Variants in PHACTR1 observed in about 807,000 individuals in gnomAD.
PHACTR1 encodes RPEL repeat containing 1.
Under a neutral mutation model 69.2 loss-of-function variants are expected in PHACTR1, and 16 were observed. The observed-to-expected ratio is 0.23, with a 90% CI of 0.16 to 0.35. The LOEUF is 0.35. PHACTR1 is among the 10% of genes least tolerant of loss of function. The pLI, the probability that PHACTR1 is intolerant of heterozygous loss-of-function variation, is 1.00. For synonymous variants in PHACTR1, 312 were observed against 284.5 expected, an observed-to-expected ratio of 1.10 and a Z score of -0.97; for missense variants, 510 against 734.7, an observed-to-expected ratio of 0.69 and a Z score of 3.54.
chr6:12,750,684 T>TCTG (rs1766512550), intron 4 of PHACTR1, among the ~76,000 whole-genome samples: 1 of 152,104 alleles, frequency 6.6e-6, no homozygotes, highest in Admixed American at 6.5e-5. Context: ...TACTGTTCCC[T>TCTG]CTGCTGCTGC....
At chr6:12,827,201 A>G (rs1325590070) in intron 4 of PHACTR1, among the ~76,000 whole-genome samples, 1 of 152,238 alleles carries the variant, frequency 6.6e-6, no homozygotes, top group Non-Finnish European at 1.5e-5. Context: ...TTTAGAGATA[A>G]GAACTTCCCA....
intron 7 of PHACTR1, 118 bp from the exon 8 acceptor site, chr6:13,205,697 A>G (rs1284171168): frequency 1.0e-6 from 1 of 979,854 alleles, no homozygotes; most frequent in Non-Finnish European, 1.5e-6. Context: ...CAACTGACGC[A>G]TTTTACCTAA....
intron 4 of PHACTR1, among the ~76,000 whole-genome samples, chr6:12,927,971 C>T (rs183216546): frequency 6.6e-6 from 1 of 152,184 alleles, no homozygotes; most frequent in Non-Finnish European, 1.5e-5. Flanking sequence ...GCTCTGCCAC[C>T]AGCATTGTTT....
chr6:13,282,210 T>C (rs35511719), intron 12 of PHACTR1, among the ~76,000 whole-genome samples: 22,665 of 152,182 alleles, frequency 0.15, 2,010 homozygotes, highest in South Asian at 0.3. Flanking sequence ...AGTAATAGAA[T>C]TACACAGAGT....
At chr6:13,284,868 G>A (rs1001952612) in intron 13 of PHACTR1, among the ~76,000 whole-genome samples, 1 of 152,124 alleles carries the variant, frequency 6.6e-6, no homozygotes, top group Non-Finnish European at 1.5e-5. Context: ...AGACGACCTC[G>A]CCTGTGGCGG....
chr6:12,795,000 T>G (rs1161073312), intron 4 of PHACTR1, among the ~76,000 whole-genome samples: 1 of 152,146 alleles, frequency 6.6e-6, no homozygotes, highest in East Asian at 1.9e-4. Flanking sequence ...CTAGACAGAC[T>G]CTTGCTTCTT....
At chr6:13,010,112 G>A (rs1799274615) in intron 4 of PHACTR1, among the ~76,000 whole-genome samples, 1 of 151,576 alleles carries the variant, frequency 6.6e-6, no homozygotes, top group Admixed American at 6.6e-5. Context: ...TCCTTGTATT[G>A]AGTGCACCCT....
chr6:12,893,776 C>T (rs1784380655), intron 4 of PHACTR1, among the ~76,000 whole-genome samples: 1 of 152,206 alleles, frequency 6.6e-6, no homozygotes, highest in African/African-American at 2.4e-5. Context: ...AGCAGCTCTC[C>T]ACACAGGCAG....
intron 12 of PHACTR1, chr6:13,281,329 G>A (rs1405528737): frequency 2.3e-5 from 8 of 343,152 alleles, no homozygotes; most frequent in Admixed American, 1.2e-4. Flanking sequence ...TGAGAACGGC[G>A]GATCATTTGA....
intron 5 of PHACTR1, among the ~76,000 whole-genome samples, chr6:13,099,528 G>T (rs114393968): frequency 6.6e-6 from 1 of 152,348 alleles, no homozygotes; most frequent in African/African-American, 2.4e-5. Flanking sequence ...CAGCTTGCTT[G>T]TGAGGTAGAG....
At chr6:13,252,282 C>T (rs1383912684) in intron 10 of PHACTR1, among the ~76,000 whole-genome samples, 3 of 142,256 alleles carry the variant, frequency 2.1e-5, no homozygotes, top group Admixed American at 7.2e-5. Flanking sequence ...GAATCAAGAT[C>T]GTGCCACTGC....
Position 12,813,884 on chromosome 6 carries a change from G to A in PHACTR1, c.250+64094G>A, listed in dbSNP as rs150862455. On this transcript the variant is annotated intron_variant, in intron 4 of 14. Coordinates refer to ENST00000332995, the MANE Select transcript of PHACTR1 (RefSeq NM_030948.6). The stretch of plus-strand genomic sequence containing the variant: ...CTTGCGGAGCTTGCTAGGAACACAG[G>A]ATCTCAGGCCCTCACCCCAGACCTA... 2.0e-4 allele frequency among the ~76,000 whole-genome samples: 30 copies of A among 152,300 alleles called. 1 individual carries two copies. The East Asian group carries it at 5.4e-3, about 27-fold the overall frequency.
intron 5 of PHACTR1, among the ~76,000 whole-genome samples, chr6:13,058,225 C>T (rs1807101931): frequency 6.6e-6 from 1 of 152,134 alleles, no homozygotes; most frequent in Non-Finnish European, 1.5e-5. Context: ...GCGATCTTAT[C>T]CAAATTCCTT....
chr6:13,136,790 T>C (rs1003211565), intron 5 of PHACTR1, among the ~76,000 whole-genome samples: 3 of 152,140 alleles, frequency 2.0e-5, no homozygotes, highest in South Asian at 2.1e-4. Context: ...GGGAGAAAGA[T>C]AGGAAATGGC....
intron 4 of PHACTR1, among the ~76,000 whole-genome samples, chr6:13,010,246 A>G (rs1562128834): frequency 1.3e-5 from 2 of 150,980 alleles, no homozygotes; most frequent in African/African-American, 2.4e-5. Flanking sequence ...TCCTGCCTCA[A>G]CCTCCCGAGT....
At chr6:12,815,739 G>T (rs1204537867) in intron 4 of PHACTR1, among the ~76,000 whole-genome samples, 2 of 152,266 alleles carry the variant, frequency 1.3e-5, no homozygotes, top group African/African-American at 2.4e-5. Context: ...TCTTCTCTCT[G>T]TATAAACCCT....
intron 4 of PHACTR1, among the ~76,000 whole-genome samples, chr6:12,757,697 T>C (rs1290372906): frequency 6.6e-6 from 1 of 152,084 alleles, no homozygotes; most frequent in Non-Finnish European, 1.5e-5. Flanking sequence ...AATTCATAGG[T>C]TTCACCTGAG....
At chr6:12,964,731 A>T (rs1001158458) in intron 4 of PHACTR1, among the ~76,000 whole-genome samples, 13 of 152,192 alleles carry the variant, frequency 8.5e-5, no homozygotes, top group African/African-American at 2.7e-4. Flanking sequence ...GCAGTGGAGA[A>T]CATAATGGTA....
At chr6:13,072,696 A>AT (rs1305516209) in intron 5 of PHACTR1, among the ~76,000 whole-genome samples, 1 of 151,454 alleles carries the variant, frequency 6.6e-6, no homozygotes, top group Non-Finnish European at 1.5e-5. Flanking sequence ...TCTTTTCTTT[A>AT]TTTTTTCTTT....
Sources: gnomAD v4.1 joint callset for allele counts (sites outside exome capture counted in the v4.1 genomes callset) on GRCh38, gnomAD v4.1.1 for gene constraint, MANE v1.5 for transcripts, NCBI Gene and HGNC (gene_info 2026-07-23, HGNC 2026-07-21) for gene names.